Variants in ZNF438 observed in about 807,000 individuals in gnomAD.
ZNF438 encodes zinc finger protein 438.
ZNF438 carries 25 observed loss-of-function variants against 38.0 expected under a neutral mutation model. The ratio of observed to expected loss-of-function variants is 0.66; its 90% CI spans 0.48 to 0.92. The LOEUF (loss-of-function observed/expected upper bound fraction) is 0.92, where lower values mean the gene tolerates loss of function less well. Ranked by LOEUF, ZNF438 falls within the 40% of genes least tolerant of loss-of-function variation. The pLI, the probability that ZNF438 is intolerant of heterozygous loss-of-function variation, is 0.00. For synonymous variants in ZNF438, 372 were observed against 364.1 expected, an observed-to-expected ratio of 1.02 and a Z score of -0.25; for missense variants, 1,007 against 999.6, an observed-to-expected ratio of 1.01 and a Z score of -0.10.
intron 1 of ZNF438, among the ~76,000 whole-genome samples, chr10:31,018,136 G>T (rs931198650): frequency 6.6e-6 from 1 of 152,184 alleles, no homozygotes; most frequent in Non-Finnish European, 1.5e-5. Context: ...AATCTAACAG[G>T]AGATTCCTGA....
chr10:30,880,290 G>A (rs1194780259), intron 3 of ZNF438, among the ~76,000 whole-genome samples: 2 of 151,882 alleles, frequency 1.3e-5, no homozygotes, highest in South Asian at 2.1e-4. Flanking sequence ...AATTAGCTGG[G>A]CATGGTGGTG....
At chr10:30,962,594 A>G (rs2049615556) in intron 1 of ZNF438, among the ~76,000 whole-genome samples, 1 of 147,570 alleles carries the variant, frequency 6.8e-6, no homozygotes, top group African/African-American at 2.4e-5. Context: ...GATTGCTCCC[A>G]CTTTTCCTAA....
At chr10:30,976,635 G>A (rs1158315533) in intron 1 of ZNF438, among the ~76,000 whole-genome samples, 1 of 151,882 alleles carries the variant, frequency 6.6e-6, no homozygotes, top group South Asian at 2.1e-4. Flanking sequence ...GTACCAGCTA[G>A]CCAGGAGGAT....
chr10:30,907,820 C>A (rs1427090870), intron 3 of ZNF438, among the ~76,000 whole-genome samples: 1 of 151,874 alleles, frequency 6.6e-6, no homozygotes, highest in Non-Finnish European at 1.5e-5. Context: ...TTCTTTATTT[C>A]ATTCATTTGC....
intron 1 of ZNF438, among the ~76,000 whole-genome samples, chr10:30,979,321 G>T (rs749433302): frequency 3.3e-5 from 5 of 152,100 alleles, no homozygotes; most frequent in Non-Finnish European, 5.9e-5. Flanking sequence ...CAATATCACG[G>T]AAATGGCCAT....
chr10:30,951,125 T>C (rs2135784463), intron 1 of ZNF438, among the ~76,000 whole-genome samples: 1 of 148,836 alleles, frequency 6.7e-6, no homozygotes, highest in East Asian at 1.9e-4. Flanking sequence ...ATCCAGCATA[T>C]AAACAGAGCC....
chr10:30,928,712 A>G (rs1348539653), intron 2 of ZNF438, among the ~76,000 whole-genome samples: 1 of 151,934 alleles, frequency 6.6e-6, no homozygotes, highest in African/African-American at 2.4e-5. Flanking sequence ...AGTTAACTCT[A>G]CCCTCCACTG....
At chr10:31,000,263 C>T (rs987608142) in intron 1 of ZNF438, among the ~76,000 whole-genome samples, 12 of 152,276 alleles carry the variant, frequency 7.9e-5, no homozygotes, top group Admixed American at 7.8e-4. Context: ...ATCTAGCCAG[C>T]GGAGTCTCAC....
At chr10:31,021,349 A>G (rs938898962) in intron 1 of ZNF438, among the ~76,000 whole-genome samples, 1 of 152,226 alleles carries the variant, frequency 6.6e-6, no homozygotes, top group Non-Finnish European at 1.5e-5. Flanking sequence ...AGATCAATTT[A>G]GAAAAATGTT....
At chr10:31,011,828 T>G (rs2055732146) in intron 1 of ZNF438, among the ~76,000 whole-genome samples, 1 of 152,198 alleles carries the variant, frequency 6.6e-6, no homozygotes, top group African/African-American at 2.4e-5. Context: ...ATGTTATGTC[T>G]CTGACTCACA....
intron 4 of ZNF438, among the ~76,000 whole-genome samples, chr10:30,862,457 C>G (rs1588849379): frequency 6.6e-6 from 1 of 152,068 alleles, no homozygotes; most frequent in East Asian, 1.9e-4. Flanking sequence ...TGCACACCAC[C>G]CTGTGTGGCT....
chr10:30,928,509 A>G (rs2045231896), intron 2 of ZNF438, among the ~76,000 whole-genome samples: 1 of 151,980 alleles, frequency 6.6e-6, no homozygotes, highest in Non-Finnish European at 1.5e-5. Flanking sequence ...AGGGCCAAAC[A>G]TTCAAAGAGA....
intron 1 of ZNF438, among the ~76,000 whole-genome samples, chr10:30,992,426 T>TA (rs2132555836): frequency 6.6e-6 from 1 of 151,634 alleles, no homozygotes; most frequent in South Asian, 2.1e-4. Flanking sequence ...CTTTTTTTTT[T>TA]TTTTTTAAGA....
intron 3 of ZNF438, among the ~76,000 whole-genome samples, chr10:30,888,035 T>C (rs747148457): frequency 7.2e-5 from 11 of 152,180 alleles, no homozygotes; most frequent in Admixed American, 1.3e-4. Flanking sequence ...CATTAACTGA[T>C]ATGCATTTGA....
At chr10:30,973,680 A>G (rs2051002161) in intron 1 of ZNF438, among the ~76,000 whole-genome samples, 2 of 152,190 alleles carry the variant, frequency 1.3e-5, no homozygotes, top group Non-Finnish European at 2.9e-5. Flanking sequence ...TTAGTCCTCA[A>G]TGTGATGACT....
intron 4 of ZNF438, chr10:30,857,846 C>T: frequency 9.7e-7 from 1 of 1,031,900 alleles, no homozygotes. Flanking sequence ...CACTAGGTGC[C>T]AATGTCTTAC....
chr10:30,968,113 G>A (rs2050333776), intron 1 of ZNF438, among the ~76,000 whole-genome samples: 1 of 152,158 alleles, frequency 6.6e-6, no homozygotes, highest in African/African-American at 2.4e-5. Context: ...TGCTACATAT[G>A]TACTATATCA....
intron 1 of ZNF438, among the ~76,000 whole-genome samples, chr10:30,979,650 T>C (rs2051872328): frequency 6.6e-6 from 1 of 152,206 alleles, no homozygotes; most frequent in African/African-American, 2.4e-5. Context: ...CTGGACTTCT[T>C]GGTCCAGAGC....
chr10:31,008,203 T>C (rs770308814), intron 1 of ZNF438, among the ~76,000 whole-genome samples: 15 of 152,208 alleles, frequency 9.9e-5, no homozygotes, highest in Non-Finnish European at 1.9e-4. Flanking sequence ...TACAGTCAAA[T>C]TGAAATAATA....
Sources: allele counts gnomAD v4.1 joint callset (sites outside exome capture counted in the v4.1 genomes callset), GRCh38; gene constraint gnomAD v4.1.1; transcripts MANE v1.5; gene names NCBI Gene and HGNC (gene_info 2026-07-23, HGNC 2026-07-21).